AFG2A: variants seen among roughly 807,000 people sequenced by gnomAD.
AFG2A encodes the protein ATPase family gene 2 protein homolog A.
At chr4:123,068,783 A>T in the AFG2A span, among the ~76,000 whole-genome samples, 1 of 152,128 alleles carries the variant, frequency 6.6e-6, no homozygotes, top group African/African-American at 2.4e-5. Flanking sequence ...AGAGATTATG[A>T]TCACTCCACT....
the AFG2A span, among the ~76,000 whole-genome samples, chr4:122,958,276 C>T: frequency 6.6e-6 from 1 of 152,196 alleles, no homozygotes; most frequent in African/African-American, 2.4e-5. Flanking sequence ...GGCTCTGATA[C>T]GGCCTTTAAC....
the AFG2A span, among the ~76,000 whole-genome samples, chr4:122,975,591 T>G: frequency 1.3e-5 from 2 of 152,102 alleles, no homozygotes; most frequent in Non-Finnish European, 2.9e-5. Context: ...TGAGCCTCAG[T>G]TTTCACGGAG....
At chr4:123,144,030 G>C in the AFG2A span, among the ~76,000 whole-genome samples, 1 of 151,812 alleles carries the variant, frequency 6.6e-6, no homozygotes, top group East Asian at 1.9e-4. Flanking sequence ...TTTAGTACTA[G>C]GAAGTATTTC....
the AFG2A span, among the ~76,000 whole-genome samples, chr4:123,203,792 T>C: frequency 4.6e-5 from 7 of 152,222 alleles, no homozygotes; most frequent in African/African-American, 1.4e-4. Flanking sequence ...ATATATTAGT[T>C]TCCTGTTGCT....
the AFG2A span, among the ~76,000 whole-genome samples, chr4:123,066,681 T>C: frequency 1.3e-5 from 2 of 152,186 alleles, no homozygotes; most frequent in African/African-American, 4.8e-5. Context: ...TTTTAGCCAC[T>C]ATTATTTTTA....
the AFG2A span, among the ~76,000 whole-genome samples, chr4:122,930,814 C>G: frequency 2.0e-5 from 3 of 152,310 alleles, no homozygotes; most frequent in Non-Finnish European, 4.4e-5. Flanking sequence ...ACAAACTAGT[C>G]AGACCTCTTG....
At chr4:123,314,278 AT>A in the AFG2A span, 1 of 358,910 alleles carries the variant, frequency 2.8e-6, no homozygotes, top group Non-Finnish European at 4.9e-6. Context: ...TTACCTGGAA[AT>A]TTGTGGTGTG....
At chr4:122,934,735 T>C in the AFG2A span, 4 of 1,563,566 alleles carry the variant, frequency 2.6e-6, no homozygotes, top group Non-Finnish European at 2.6e-6. Flanking sequence ...TTTCAAGAGT[T>C]ATGGTATGAT....
the AFG2A span, among the ~76,000 whole-genome samples, chr4:122,928,861 A>C: frequency 6.0e-3 from 907 of 152,310 alleles, 13 homozygotes; most frequent in Admixed American, 0.043. Context: ...GTAGTATTTA[A>C]ATTTTTTAAA....
chr4:123,108,848 T>C, the AFG2A span, among the ~76,000 whole-genome samples: 1 of 152,204 alleles, frequency 6.6e-6, no homozygotes, highest in Non-Finnish European at 1.5e-5. Flanking sequence ...TTTAATTCTA[T>C]AGTTTGGGGC....
the AFG2A span, among the ~76,000 whole-genome samples, chr4:123,156,698 A>G: frequency 6.7e-6 from 1 of 150,292 alleles, no homozygotes; most frequent in South Asian, 2.1e-4. Context: ...ACACAAACCA[A>G]CCTCTTTGTA....
At chr4:123,210,992 G>C in the AFG2A span, among the ~76,000 whole-genome samples, 1 of 152,074 alleles carries the variant, frequency 6.6e-6, no homozygotes, top group Non-Finnish European at 1.5e-5. Flanking sequence ...ATGTAGAACA[G>C]AAATTAAATC....
chr4:123,043,449 G>A, the AFG2A span, among the ~76,000 whole-genome samples: 1 of 151,332 alleles, frequency 6.6e-6, no homozygotes, highest in Non-Finnish European at 1.5e-5. Flanking sequence ...CTTTTCAATT[G>A]TATATATGAG....
the AFG2A span, among the ~76,000 whole-genome samples, chr4:122,981,388 T>C: frequency 6.6e-6 from 1 of 152,174 alleles, no homozygotes; most frequent in Non-Finnish European, 1.5e-5. Flanking sequence ...TGTCTGTTTT[T>C]ATGCCAGTAT....
chr4:123,235,852 T>A, the AFG2A span, among the ~76,000 whole-genome samples: 3 of 152,236 alleles, frequency 2.0e-5, no homozygotes, highest in Non-Finnish European at 4.4e-5. Flanking sequence ...TAAATATTGT[T>A]ACCTCCACGG....
the AFG2A span, among the ~76,000 whole-genome samples, chr4:122,996,585 A>ATAGATAGT: frequency 6.6e-6 from 1 of 151,302 alleles, no homozygotes; most frequent in Admixed American, 6.6e-5. Flanking sequence ...AGATAGATAG[A>ATAGATAGT]TAGATAGATA....
At chr4:123,202,158 T>G in the AFG2A span, among the ~76,000 whole-genome samples, 1 of 152,208 alleles carries the variant, frequency 6.6e-6, no homozygotes, top group African/African-American at 2.4e-5. Context: ...GGGTTAATAT[T>G]CTGGAGATAA....
chr4:123,297,350 T>C, the AFG2A span, among the ~76,000 whole-genome samples: 3 of 152,216 alleles, frequency 2.0e-5, no homozygotes, highest in Non-Finnish European at 4.4e-5. Context: ...CTATTTTGGA[T>C]GATATCTGTG....
chr4:123,314,111 T>G, the AFG2A span: 2 of 1,437,362 alleles, frequency 1.4e-6, no homozygotes, highest in Non-Finnish European at 1.8e-6. Flanking sequence ...CAGAGAAAAT[T>G]TGTTTCTTTT....
Sources: gnomAD v4.1 joint callset for allele counts (sites outside exome capture counted in the v4.1 genomes callset) on GRCh38, gnomAD v4.1.1 for gene constraint, MANE v1.5 for transcripts, NCBI Gene and HGNC (gene_info 2026-07-23, HGNC 2026-07-21) for gene names.